The following NTRK2 variants were observed in gnomAD, a reference collection of about 807,000 sequenced individuals.
NTRK2 encodes the protein neurotrophic receptor tyrosine kinase 2.
NTRK2 carries 13 observed loss-of-function variants against 94.5 expected under a neutral mutation model. The observed-to-expected ratio is 0.14, with a 90% CI of 0.09 to 0.22. The LOEUF is 0.22. Ranked by LOEUF, NTRK2 falls within the 10% of genes least tolerant of loss-of-function variation. The probability of loss-of-function intolerance (pLI) is 1.00; values close to 1 mark genes in which losing one functional copy is unlikely to be tolerated. For synonymous variants in NTRK2, 372 were observed against 407.4 expected, an observed-to-expected ratio of 0.91 and a Z score of 1.05; for missense variants, 639 against 1,071.2, an observed-to-expected ratio of 0.60 and a Z score of 5.63.
intron 12 of NTRK2, chr9:84,813,263 A>G: frequency 9.6e-7 from 1 of 1,041,436 alleles, no homozygotes; most frequent in African/African-American, 1.7e-5. Context: ...AGCCGCAGCC[A>G]ACTGTGTCCC....
intron 14 of NTRK2, among the ~76,000 whole-genome samples, chr9:84,913,585 A>T (rs547981005): frequency 7.2e-5 from 11 of 152,270 alleles, no homozygotes; most frequent in African/African-American, 2.6e-4. Context: ...TTTTATTTTC[A>T]TCACTTGAAT....
chr9:84,798,003 T>C (rs2069827809), intron 12 of NTRK2, among the ~76,000 whole-genome samples: 1 of 148,932 alleles, frequency 6.7e-6, no homozygotes, highest in African/African-American at 2.5e-5. Flanking sequence ...ATTGGGACTG[T>C]CTTAGTCTTG....
intron 14 of NTRK2, chr9:84,875,249 G>A (rs41312188): frequency 0.034 from 36,068 of 1,058,686 alleles, 687 homozygotes; most frequent in Middle Eastern, 0.041. Context: ...TGTGTAGGAA[G>A]CACATTGGGT....
At chr9:84,950,150 G>C (rs1307984011) in intron 16 of NTRK2, among the ~76,000 whole-genome samples, 1 of 152,214 alleles carries the variant, frequency 6.6e-6, no homozygotes, top group African/African-American at 2.4e-5. Context: ...TAGCGTAGGA[G>C]CGAATGGGGA....
Position 84,724,307 on chromosome 9 carries a change from G to A in NTRK2, c.804G>A (p.Ala268=), listed in dbSNP as rs151196069. Residue 268 remains alanine (A), a synonymous_variant, in exon 8 of 19, where the codon GCG becomes GCA. Transcript: ENST00000277120. ...GTGGGAAGCAGATCTCTTGTGTGGC[G>A]GAAAATCTTGTAGGAGAAGATCAAG... ...DDSGKQISCV[A]ENLVGEDQDS... is the part of the protein sequence containing the mutation. 4.5e-4 allele frequency: 728 copies of A among 1,613,918 alleles called. 2 individuals carry two copies. Among genetic ancestry groups the A allele is most frequent in the Non-Finnish European group, 5.2e-4 (608 of 1,179,946 alleles).
chr9:84,818,808 G>A (rs2072593508), intron 12 of NTRK2, among the ~76,000 whole-genome samples: 1 of 152,154 alleles, frequency 6.6e-6, no homozygotes, highest in South Asian at 2.1e-4. Context: ...GGGGTGTGGA[G>A]GACACGTCCT....
intron 12 of NTRK2, among the ~76,000 whole-genome samples, chr9:84,752,857 A>G (rs907515592): frequency 2.6e-5 from 4 of 152,212 alleles, no homozygotes; most frequent in African/African-American, 7.2e-5. Flanking sequence ...TCTCCTATAG[A>G]TAGACACTAT....
intron 12 of NTRK2, among the ~76,000 whole-genome samples, chr9:84,829,611 T>G (rs951006795): frequency 2.2e-4 from 34 of 152,314 alleles, no homozygotes; most frequent in African/African-American, 7.7e-4. Flanking sequence ...ATGTTCCGCC[T>G]GTTTGCATGC....
intron 12 of NTRK2, among the ~76,000 whole-genome samples, chr9:84,805,700 G>C (rs546165666): frequency 2.0e-5 from 3 of 152,352 alleles, no homozygotes; most frequent in Admixed American, 2.0e-4. Flanking sequence ...GCAGTATAGA[G>C]AGTTGAGGCC....
chr9:84,912,868 G>A (rs1453720510), intron 14 of NTRK2, among the ~76,000 whole-genome samples: 12 of 151,798 alleles, frequency 7.9e-5, no homozygotes, highest in South Asian at 2.1e-4. Flanking sequence ...CGCCCACCTC[G>A]GCCTCCCAAA....
At chr9:84,718,651 G>C (rs542984108) in intron 6 of NTRK2, among the ~76,000 whole-genome samples, 1 of 152,322 alleles carries the variant, frequency 6.6e-6, no homozygotes, top group African/African-American at 2.4e-5. Flanking sequence ...GTAGGGCTTA[G>C]AGTCAGGATC....
intron 17 of NTRK2, among the ~76,000 whole-genome samples, chr9:84,979,787 C>T (rs925088018): frequency 2.6e-5 from 4 of 152,144 alleles, no homozygotes; most frequent in African/African-American, 9.7e-5. Flanking sequence ...CACAGCCACC[C>T]CAACCTTTAA....
chr9:84,990,462 C>T (rs888558209), intron 17 of NTRK2, among the ~76,000 whole-genome samples: 3 of 152,186 alleles, frequency 2.0e-5, no homozygotes, highest in African/African-American at 7.2e-5. Flanking sequence ...ATTCTCGAAG[C>T]CCAGGCACTC....
intron 14 of NTRK2, among the ~76,000 whole-genome samples, chr9:84,919,800 A>G (rs2077506173): frequency 6.6e-6 from 1 of 152,112 alleles, no homozygotes; most frequent in Non-Finnish European, 1.5e-5. Context: ...TGTACATTTC[A>G]TTGTTCAGAG....
upstream of NTRK2, among the ~76,000 whole-genome samples, chr9:84,668,983 G>A (rs544006814): frequency 2.0e-4 from 30 of 152,232 alleles, no homozygotes; most frequent in Non-Finnish European, 3.7e-4. Context: ...CCCCTCACAT[G>A]TCTCTATTTC....
chr9:84,860,827 C>A (rs2075299244), intron 12 of NTRK2, among the ~76,000 whole-genome samples: 1 of 152,112 alleles, frequency 6.6e-6, no homozygotes, highest in African/African-American at 2.4e-5. Flanking sequence ...AAATAAATCT[C>A]TACACAAAAA....
chr9:85,013,365 T>C (rs1487092844), intron 17 of NTRK2, among the ~76,000 whole-genome samples: 2 of 152,072 alleles, frequency 1.3e-5, no homozygotes, highest in Admixed American at 6.6e-5. Context: ...TGCAGTGGCG[T>C]GATGTTGGCT....
intron 12 of NTRK2, among the ~76,000 whole-genome samples, chr9:84,840,741 A>G (rs1273562304): frequency 6.6e-6 from 1 of 152,038 alleles, no homozygotes; most frequent in African/African-American, 2.4e-5. Flanking sequence ...CTTCTCTCGA[A>G]AGGGTTCTTT....
chr9:84,779,417 C>T (rs1450409431), intron 12 of NTRK2, among the ~76,000 whole-genome samples: 1 of 152,194 alleles, frequency 6.6e-6, no homozygotes, highest in Admixed American at 6.5e-5. Context: ...AACTCATATG[C>T]CATGTTGCAG....
Sources: allele counts gnomAD v4.1 joint callset (sites outside exome capture counted in the v4.1 genomes callset), GRCh38; gene constraint gnomAD v4.1.1; transcripts MANE v1.5; gene names NCBI Gene and HGNC (gene_info 2026-07-23, HGNC 2026-07-21).